Variants in CLSTN2 observed in about 807,000 individuals in gnomAD.
CLSTN2 encodes calsyntenin-2.
Under a neutral mutation model 101.2 loss-of-function variants are expected in CLSTN2, and 48 were observed. That is an observed-to-expected ratio of 0.47 (90% CI 0.38 to 0.60). CLSTN2 has a LOEUF of 0.60. Among genes scored for constraint, CLSTN2 ranks in the 20% least tolerant of loss-of-function variants. CLSTN2 has a pLI of 0.00. For missense variants in CLSTN2, 1,160 were observed against 1,238.2 expected, an observed-to-expected ratio of 0.94 and a Z score of 0.95; for synonymous variants, 481 against 463.6, an observed-to-expected ratio of 1.04 and a Z score of -0.48.
chr3:140,320,825 C>G (rs2087276881), intron 2 of CLSTN2, among the ~76,000 whole-genome samples: 1 of 152,046 alleles, frequency 6.6e-6, no homozygotes, highest in Non-Finnish European at 1.5e-5. Flanking sequence ...TTCAGAAATG[C>G]AAACATAGAC....
intron 1 of CLSTN2, among the ~76,000 whole-genome samples, chr3:140,025,327 C>T (rs2007396531): frequency 1.3e-5 from 2 of 152,336 alleles, no homozygotes; most frequent in South Asian, 4.1e-4. Flanking sequence ...GTTCAGAAAG[C>T]TGATTCACTT....
chr3:140,000,883 C>CT (rs1168327349), intron 1 of CLSTN2, among the ~76,000 whole-genome samples: 1 of 152,144 alleles, frequency 6.6e-6, no homozygotes. Flanking sequence ...GCCTGTAAGC[C>CT]TGACAGTCCA....
intron 1 of CLSTN2, among the ~76,000 whole-genome samples, chr3:140,141,386 C>A (rs909676510): frequency 6.6e-6 from 1 of 152,106 alleles, no homozygotes; most frequent in Non-Finnish European, 1.5e-5. Context: ...GTATCAGGAC[C>A]ATGCTGGCAC....
chr3:140,317,096 C>A (rs1576512896), intron 2 of CLSTN2, among the ~76,000 whole-genome samples: 1 of 152,258 alleles, frequency 6.6e-6, no homozygotes, highest in East Asian at 1.9e-4. Context: ...AGTGATTTCC[C>A]AGATTAGTGG....
chr3:140,349,733 T>A (rs1037137389), intron 2 of CLSTN2, among the ~76,000 whole-genome samples: 1 of 152,212 alleles, frequency 6.6e-6, no homozygotes, highest in African/African-American at 2.4e-5. Flanking sequence ...AAACAACAAA[T>A]GCCCATTTAC....
intron 2 of CLSTN2, among the ~76,000 whole-genome samples, chr3:140,267,617 T>C (rs1269963566): frequency 6.6e-6 from 1 of 152,224 alleles, no homozygotes; most frequent in Non-Finnish European, 1.5e-5. Context: ...GAGACCGGGC[T>C]GTTTAAAACC....
chr3:140,006,307 A>G (rs561153696), intron 1 of CLSTN2, among the ~76,000 whole-genome samples: 36 of 152,376 alleles, frequency 2.4e-4, no homozygotes, highest in African/African-American at 8.2e-4. Context: ...CACAGATTTT[A>G]TAATAATCTT....
chr3:140,162,966 A>G (rs1213923209), intron 1 of CLSTN2, among the ~76,000 whole-genome samples: 2 of 152,202 alleles, frequency 1.3e-5, no homozygotes. Flanking sequence ...TAGAGAAACA[A>G]AAGTATAGCA....
At chr3:140,174,877 C>T (rs1159903926) in intron 1 of CLSTN2, among the ~76,000 whole-genome samples, 1 of 152,164 alleles carries the variant, frequency 6.6e-6, no homozygotes, top group Non-Finnish European at 1.5e-5. Context: ...GGAACAAAAA[C>T]TTATTGTCTC....
At chr3:140,094,570 A>T (rs1358051545) in intron 1 of CLSTN2, among the ~76,000 whole-genome samples, 3 of 152,190 alleles carry the variant, frequency 2.0e-5, no homozygotes, top group African/African-American at 4.8e-5. Flanking sequence ...GAGGGAAGAA[A>T]GGAAAAAAAA....
At chr3:140,444,438 A>G (rs996214824) in intron 5 of CLSTN2, among the ~76,000 whole-genome samples, 3 of 152,010 alleles carry the variant, frequency 2.0e-5, no homozygotes, top group African/African-American at 7.2e-5. Context: ...CTCAAAAAAA[A>G]AAAAATGCTA....
intron 1 of CLSTN2, among the ~76,000 whole-genome samples, chr3:140,062,266 A>G (rs2008219802): frequency 1.3e-5 from 2 of 152,260 alleles, no homozygotes; most frequent in African/African-American, 2.4e-5. Flanking sequence ...CAAGTTTTCA[A>G]TCTCAGCAAG....
chr3:140,177,424 C>T (rs1365026543), intron 2 of CLSTN2, among the ~76,000 whole-genome samples: 3 of 152,068 alleles, frequency 2.0e-5, no homozygotes, highest in African/African-American at 4.8e-5. Context: ...CAGCAACCTC[C>T]GGAAATGAGA....
At chr3:140,281,590 G>A (rs2086848039) in intron 2 of CLSTN2, among the ~76,000 whole-genome samples, 1 of 152,072 alleles carries the variant, frequency 6.6e-6, no homozygotes, top group African/African-American at 2.4e-5. Context: ...GATGTTTCCA[G>A]GATCTCATTC....
Position 140,270,547 on chromosome 3 carries a change from A to T in CLSTN2, c.232+94474A>T, listed in dbSNP as rs936381375. 3.3e-5 allele frequency among the ~76,000 whole-genome samples: 5 copies of T among 152,302 alleles called. 1 individual carries two copies. In the South Asian group the frequency reaches 8.3e-4, roughly 25 times the overall value. ...CCTGGCCGCAACTCTAGTGCCTCCC[A>T]TCCAGATGACTCACACATTGGACCA... On this transcript the variant is annotated intron_variant, in intron 2 of 16. Coordinates refer to ENST00000458420, the MANE Select transcript of CLSTN2 (RefSeq NM_022131.3).
chr3:140,345,509 C>T (rs1001182802), intron 2 of CLSTN2, among the ~76,000 whole-genome samples: 1 of 151,968 alleles, frequency 6.6e-6, no homozygotes, highest in Non-Finnish European at 1.5e-5. Context: ...CTCAGCCTCC[C>T]AAAGTGTTGG....
intron 5 of CLSTN2, among the ~76,000 whole-genome samples, chr3:140,437,239 G>A (rs527460177): frequency 3.2e-4 from 48 of 152,060 alleles, no homozygotes; most frequent in African/African-American, 9.2e-4. Context: ...TAGTAGAGAC[G>A]GGGTTTCATC....
intron 2 of CLSTN2, among the ~76,000 whole-genome samples, chr3:140,187,250 T>A (rs904075776): frequency 6.6e-6 from 1 of 152,096 alleles, no homozygotes; most frequent in African/African-American, 2.4e-5. Flanking sequence ...CACACCAGCC[T>A]CATATGTAGC....
intron 7 of CLSTN2, among the ~76,000 whole-genome samples, chr3:140,461,912 A>T (rs188109995): frequency 2.0e-5 from 3 of 152,048 alleles, no homozygotes; most frequent in Non-Finnish European, 4.4e-5. Flanking sequence ...CAGCAAGAAA[A>T]AAATCTATAA....
Sources: allele counts gnomAD v4.1 joint callset (sites outside exome capture counted in the v4.1 genomes callset), GRCh38; gene constraint gnomAD v4.1.1; transcripts MANE v1.5; gene names NCBI Gene and HGNC (gene_info 2026-07-23, HGNC 2026-07-21).